The following RBFOX1 variants were observed in gnomAD, a reference collection of about 807,000 sequenced individuals.
RBFOX1 encodes the protein RNA binding fox-1 homolog 1.
Under a neutral mutation model 57.7 loss-of-function variants are expected in RBFOX1, and 8 were observed. The ratio of observed to expected loss-of-function variants is 0.14; its 90% confidence interval spans 0.08 to 0.25. The LOEUF (loss-of-function observed/expected upper bound fraction) is 0.25, where lower values mean the gene tolerates loss of function less well. RBFOX1 is among the 10% of genes least tolerant of loss of function. RBFOX1 has a pLI of 1.00. For missense variants in RBFOX1, 611 were observed against 548.5 expected, an observed-to-expected ratio of 1.11 and a Z score of -1.14; for synonymous variants, 326 against 222.4, an observed-to-expected ratio of 1.47 and a Z score of -4.15.
intron 4 of RBFOX1, among the ~76,000 whole-genome samples, chr16:7,233,773 A>T (rs1331178119): frequency 6.6e-6 from 1 of 152,192 alleles, no homozygotes; most frequent in Non-Finnish European, 1.5e-5. Context: ...ATTAAATGGC[A>T]GTTTTCTCTT....
At chr16:7,216,542 A>T (rs1247771695) in intron 4 of RBFOX1, among the ~76,000 whole-genome samples, 2 of 152,154 alleles carry the variant, frequency 1.3e-5, no homozygotes, top group Non-Finnish European at 2.9e-5. Flanking sequence ...CTTAAATATA[A>T]TGATAGGAGT....
intron 3 of RBFOX1, among the ~76,000 whole-genome samples, chr16:5,671,979 G>A (rs1044099192): frequency 2.0e-5 from 3 of 152,146 alleles, no homozygotes; most frequent in Non-Finnish European, 4.4e-5. Flanking sequence ...AAGAATAAAA[G>A]CCTGTCCTAT....
chr16:6,267,330 T>A (rs1458546798), intron 1 of RBFOX1, among the ~76,000 whole-genome samples: 1 of 152,236 alleles, frequency 6.6e-6, no homozygotes, highest in East Asian at 1.9e-4. Context: ...ACTCTACTCA[T>A]ATTATTTGGT....
intron 1 of RBFOX1, among the ~76,000 whole-genome samples, chr16:5,410,302 G>T (rs2066985583): frequency 6.6e-6 from 1 of 151,760 alleles, no homozygotes; most frequent in Non-Finnish European, 1.5e-5. Flanking sequence ...GCCCTCAGAG[G>T]TTGAGGCTGC....
At chr16:6,662,021 TAAGCC>T (rs1449934059) in intron 3 of RBFOX1, among the ~76,000 whole-genome samples, 2 of 151,708 alleles carry the variant, frequency 1.3e-5, no homozygotes, top group East Asian at 3.9e-4. Flanking sequence ...TGAAGTGAAG[TAAGCC>T]ACACACAGAA....
At chr16:7,598,068 A>G (rs2094801783) in intron 9 of RBFOX1, among the ~76,000 whole-genome samples, 1 of 152,192 alleles carries the variant, frequency 6.6e-6, no homozygotes, top group South Asian at 2.1e-4. Flanking sequence ...AAGCATTCAC[A>G]TATGAGTTAT....
intron 3 of RBFOX1, among the ~76,000 whole-genome samples, chr16:6,938,485 A>G (rs1341809577): frequency 6.6e-5 from 10 of 152,152 alleles, no homozygotes; most frequent in Non-Finnish European, 1.3e-4. Flanking sequence ...GAAATTTCTA[A>G]GTCTCATCCA....
intron 4 of RBFOX1, among the ~76,000 whole-genome samples, chr16:7,396,532 A>G (rs1319246441): frequency 1.3e-5 from 2 of 152,186 alleles, no homozygotes; most frequent in African/African-American, 4.8e-5. Flanking sequence ...AGAGTAGCTT[A>G]ATACTCTGCG....
chr16:7,248,446 G>T (rs1420213014), intron 4 of RBFOX1, among the ~76,000 whole-genome samples: 2 of 152,138 alleles, frequency 1.3e-5, no homozygotes, highest in Non-Finnish European at 2.9e-5. Context: ...TCATTTGGGG[G>T]AAAAGGTAGG....
chr16:7,029,202 ACG>A (rs1219957599), intron 3 of RBFOX1, among the ~76,000 whole-genome samples: 6 of 56,396 alleles, frequency 1.1e-4, no homozygotes, highest in Admixed American at 3.8e-4. Flanking sequence ...ACATATGTAT[ACG>A]TATACGTATA....
At chr16:5,813,453 A>G (rs1597353927) in intron 3 of RBFOX1, among the ~76,000 whole-genome samples, 1 of 152,176 alleles carries the variant, frequency 6.6e-6, no homozygotes, top group East Asian at 1.9e-4. Flanking sequence ...TGGTCTATCT[A>G]TACAATGGAA....
At chr16:5,853,820 A>G (rs2056957442) in intron 3 of RBFOX1, among the ~76,000 whole-genome samples, 3 of 152,146 alleles carry the variant, frequency 2.0e-5, no homozygotes, top group African/African-American at 7.2e-5. Context: ...TAGCGGTTCA[A>G]TCATAACTCA....
At chr16:6,583,661 A>G (rs1386139653) in intron 2 of RBFOX1, among the ~76,000 whole-genome samples, 1 of 152,224 alleles carries the variant, frequency 6.6e-6, no homozygotes, top group Non-Finnish European at 1.5e-5. Context: ...GTAACTAGGT[A>G]TTTTAAATCA....
chr16:6,468,890 A>G (rs544235356), intron 2 of RBFOX1, among the ~76,000 whole-genome samples: 1 of 152,216 alleles, frequency 6.6e-6, no homozygotes, highest in South Asian at 2.1e-4. Context: ...TCACCCAGGT[A>G]TTAAGCCTAG....
intron 2 of RBFOX1, among the ~76,000 whole-genome samples, chr16:6,471,949 T>A (rs1464917901): frequency 6.6e-6 from 1 of 152,206 alleles, no homozygotes; most frequent in Admixed American, 6.5e-5. Context: ...ACTTCCCCCG[T>A]CTCTGTCTGG....
rs938219830 is a variant in RBFOX1 at position 7,712,064 on chromosome 16, A to T, written c.*1319A>T. 3 of 152,552 alleles carry T rather than the reference A, an allele frequency of 2.0e-5. No individual in the cohort carries two copies. Among genetic ancestry groups the T allele is most frequent in the African/African-American group, 7.3e-5 (3 of 41,378 alleles). 9.4% of individuals were successfully genotyped at this position (152,552 alleles called of 1,614,324 possible). A position where few individuals can be genotyped will look rare whatever the true frequency, so the allele number is the denominator to read the frequency against. On this transcript the variant is annotated 3_prime_UTR_variant, in exon 16 of 16. Coordinates refer to ENST00000550418, the MANE Select transcript of RBFOX1 (RefSeq NM_018723.4). ...AAGTACATCCACCCTCTTAATCCCAAAAGAACAAAGTCTCCCCACCTTTCT... is the reference window on the plus strand; with the variant it reads ...AAGTACATCCACCCTCTTAATCCCATAAGAACAAAGTCTCCCCACCTTTCT...
chr16:6,546,170 C>G (rs1057093109), intron 2 of RBFOX1, among the ~76,000 whole-genome samples: 1 of 152,158 alleles, frequency 6.6e-6, no homozygotes, highest in Non-Finnish European at 1.5e-5. Context: ...ATGGGTTGGA[C>G]AAGCTTGGCC....
intron 2 of RBFOX1, among the ~76,000 whole-genome samples, chr16:5,474,299 A>G (rs911388601): frequency 6.6e-6 from 1 of 152,234 alleles, no homozygotes; most frequent in Non-Finnish European, 1.5e-5. Context: ...AGTAGATTGT[A>G]CAGAACCTAC....
chr16:6,979,808 C>G (rs2088175093), intron 3 of RBFOX1, among the ~76,000 whole-genome samples: 1 of 152,136 alleles, frequency 6.6e-6, no homozygotes, highest in Non-Finnish European at 1.5e-5. Context: ...TTTCTCCTGC[C>G]TACAGAAATG....
Sources: gnomAD v4.1 joint callset for allele counts (sites outside exome capture counted in the v4.1 genomes callset) on GRCh38, gnomAD v4.1.1 for gene constraint, MANE v1.5 for transcripts, NCBI Gene and HGNC (gene_info 2026-07-23, HGNC 2026-07-21) for gene names.